TRDN: variants seen among roughly 807,000 people sequenced by gnomAD.
TRDN encodes the protein triadin.
Under a neutral mutation model 149.7 loss-of-function variants are expected in TRDN, and 161 were observed. The observed-to-expected ratio is 1.08, with a 90% CI of 0.95 to 1.23. TRDN has a LOEUF of 1.23. Among genes scored for constraint, TRDN ranks in the 50% most tolerant of loss-of-function variants. The pLI, the probability that TRDN is intolerant of heterozygous loss-of-function variation, is 0.00. For synonymous variants in TRDN, 294 were observed against 250.5 expected (o/e 1.17, Z -1.64); for missense variants, 896 against 823.5 (o/e 1.09, Z -1.08).
At chr6:123,610,111 GA>G (rs1784725963) in intron 1 of TRDN, among the ~76,000 whole-genome samples, 2 of 152,196 alleles carry the variant, frequency 1.3e-5, no homozygotes, top group African/African-American at 4.8e-5. Context: ...TGAACGGAAT[GA>G]TTTCTTGCAT....
At chr6:123,564,791 T>C (rs1210070883) in intron 2 of TRDN, among the ~76,000 whole-genome samples, 1 of 152,326 alleles carries the variant, frequency 6.6e-6, no homozygotes, top group South Asian at 2.1e-4. Context: ...AGGTTTTACA[T>C]AGATTATTGT....
chr6:123,333,249 G>C (rs1021102866), intron 22 of TRDN, among the ~76,000 whole-genome samples: 1 of 151,974 alleles, frequency 6.6e-6, no homozygotes, highest in South Asian at 2.1e-4. Context: ...GCAATGCTTC[G>C]AGTCTCAGAA....
chr6:123,538,752 A>T (rs1310418872), intron 4 of TRDN, among the ~76,000 whole-genome samples: 1 of 152,164 alleles, frequency 6.6e-6, no homozygotes, highest in Non-Finnish European at 1.5e-5. Flanking sequence ...TATACTAATG[A>T]TCCTTAAAAA....
intron 20 of TRDN, among the ~76,000 whole-genome samples, chr6:123,361,666 T>G (rs2114341278): frequency 6.6e-6 from 1 of 152,286 alleles, no homozygotes; most frequent in East Asian, 1.9e-4. Context: ...CCCTTTAGGG[T>G]TTTTGGATGT....
rs1045169587 is a variant in TRDN at position 123,217,402 on chromosome 6, G to A, written c.*1199C>T. Reference sequence around the variant, plus strand: ...CTCAATTTATTTCCTGAGTTAATTTGTCATAAGTTCAGTTGCAATTGTAAA... The same window carrying A: ...CTCAATTTATTTCCTGAGTTAATTTATCATAAGTTCAGTTGCAATTGTAAA... On this transcript the variant is annotated 3_prime_UTR_variant, in exon 41 of 41. Transcript: ENST00000334268. The A allele has an allele frequency of 2.6e-5, 4 of 151,922 alleles. No homozygotes were observed. The highest frequency in any genetic ancestry group is 6.6e-5 in the Admixed American group (1 of 15,220). 9.4% of individuals were successfully genotyped at this position (151,922 alleles called of 1,614,324 possible).
At chr6:123,267,795 T>G in intron 31 of TRDN, 44 bp from the exon 32 acceptor site, 1 of 1,471,262 alleles carries the variant, frequency 6.8e-7, no homozygotes, top group Non-Finnish European at 9.2e-7. Context: ...GTGGATTCTT[T>G]GGCAAATATT....
intron 12 of TRDN, among the ~76,000 whole-genome samples, chr6:123,416,775 C>T (rs1291173128): frequency 6.6e-6 from 1 of 151,282 alleles, no homozygotes; most frequent in Non-Finnish European, 1.5e-5. Context: ...AATCTCAGCT[C>T]GCTGAAACCT....
intron 32 of TRDN, among the ~76,000 whole-genome samples, chr6:123,267,150 A>C (rs905781939): frequency 7.6e-5 from 11 of 143,922 alleles, no homozygotes; most frequent in Admixed American, 1.4e-4. Flanking sequence ...ATCATCACAT[A>C]TTTTTGAAAT....
chr6:123,265,498 C>T (rs1776911997), intron 32 of TRDN, among the ~76,000 whole-genome samples, 160 bp from the exon 33 acceptor site: 1 of 151,228 alleles, frequency 6.6e-6, no homozygotes, highest in African/African-American at 2.4e-5. Context: ...TAATAATTTT[C>T]ATATCATACT....
chr6:123,349,203 TAAG>T (rs1780361183), intron 21 of TRDN, among the ~76,000 whole-genome samples: 1 of 151,982 alleles, frequency 6.6e-6, no homozygotes, highest in Admixed American at 6.6e-5. Context: ...AAAATAAGAG[TAAG>T]AAGAAGTAAA....
chr6:123,546,647 A>C (rs1781127606), intron 4 of TRDN, among the ~76,000 whole-genome samples: 1 of 152,168 alleles, frequency 6.6e-6, no homozygotes, highest in South Asian at 2.1e-4. Flanking sequence ...TTCCAGATGC[A>C]GTTCCTACCC....
At chr6:123,591,948 G>C (rs1423650178) in intron 1 of TRDN, among the ~76,000 whole-genome samples, 1 of 152,168 alleles carries the variant, frequency 6.6e-6, no homozygotes, top group Non-Finnish European at 1.5e-5. Flanking sequence ...CACCCACCTA[G>C]AGAGTGGGGA....
At chr6:123,329,926 A>G (rs1779598799) in intron 23 of TRDN, among the ~76,000 whole-genome samples, 1 of 152,038 alleles carries the variant, frequency 6.6e-6, no homozygotes, top group African/African-American at 2.4e-5. Context: ...AAAATGGTAC[A>G]ATGAAGTAAA....
chr6:123,451,102 T>G (rs1486046618), intron 10 of TRDN, among the ~76,000 whole-genome samples: 1 of 152,042 alleles, frequency 6.6e-6, no homozygotes, highest in East Asian at 1.9e-4. Context: ...GCAAAGGCAG[T>G]GCTGAGAGGA....
At chr6:123,539,229 T>A (rs1264220781) in intron 4 of TRDN, among the ~76,000 whole-genome samples, 1 of 152,214 alleles carries the variant, frequency 6.6e-6, no homozygotes, top group Non-Finnish European at 1.5e-5. Flanking sequence ...GTTTCTCAAA[T>A]TTTAATGTGC....
At chr6:123,422,872 T>C (rs1467552965) in intron 12 of TRDN, among the ~76,000 whole-genome samples, 1 of 152,262 alleles carries the variant, frequency 6.6e-6, no homozygotes, top group East Asian at 1.9e-4. Context: ...CTAAATCTGC[T>C]GTAGATACAG....
chr6:123,224,171 T>A (rs2114505559), intron 38 of TRDN, 40 bp from the exon 39 acceptor site: 2 of 1,591,494 alleles, frequency 1.3e-6, no homozygotes, highest in South Asian at 1.1e-5. Context: ...CACAGTCAAT[T>A]TTTCAGTTTT....
Position 123,519,606 on chromosome 6 carries a change from A to T in TRDN, c.485-3400T>A, listed in dbSNP as rs75083890. Among the ~76,000 whole-genome samples the T allele has an allele frequency of 3.4e-3, 515 of 151,902 alleles. 23 individuals are homozygous for T. The East Asian group carries it at 0.092, about 27-fold the overall frequency. On this transcript the variant is annotated intron_variant, in intron 5 of 40. Transcript: ENST00000334268. ...CAAAAATTGTAATGCCAAAATTTGTAAAGTACTGATTTGTATAGGCTACTA... is the reference window on the plus strand; with the variant it reads ...CAAAAATTGTAATGCCAAAATTTGTTAAGTACTGATTTGTATAGGCTACTA...
intron 1 of TRDN, among the ~76,000 whole-genome samples, chr6:123,588,208 A>T (rs974572173): frequency 1.3e-5 from 2 of 152,210 alleles, no homozygotes; most frequent in African/African-American, 2.4e-5. Flanking sequence ...TAATAAGGCC[A>T]TTTCAAAATA....
Sources: gnomAD v4.1 joint callset for allele counts (sites outside exome capture counted in the v4.1 genomes callset) on GRCh38, gnomAD v4.1.1 for gene constraint, MANE v1.5 for transcripts, NCBI Gene and HGNC (gene_info 2026-07-23, HGNC 2026-07-21) for gene names.